OLFM1: variants seen among roughly 807,000 people sequenced by gnomAD.
The protein encoded by OLFM1 is olfactomedin 1.
In OLFM1, 9 loss-of-function variants were observed where a neutral mutation model predicts 49.7. The observed-to-expected ratio is 0.18, with a 90% CI of 0.11 to 0.32. OLFM1 has a LOEUF of 0.32. OLFM1 is among the 10% of genes least tolerant of loss of function. The probability of loss-of-function intolerance (pLI) is 1.00; values close to 1 mark genes in which losing one functional copy is unlikely to be tolerated. For synonymous variants in OLFM1, 240 were observed against 271.8 expected, an observed-to-expected ratio of 0.88 and a Z score of 1.15; for missense variants, 369 against 661.8, an observed-to-expected ratio of 0.56 and a Z score of 4.85.
Position 135,098,559 on chromosome 9 carries a change from G to T in OLFM1, c.676+54G>T. 1 of 1,506,912 alleles carries T rather than the reference G, an allele frequency of 6.6e-7. No individual in the cohort carries two copies. The highest frequency in any genetic ancestry group is 2.0e-4 in the Middle Eastern group (1 of 5,072). 93.3% of individuals were successfully genotyped at this position (1,506,912 alleles called of 1,614,324 possible). A position where few individuals can be genotyped will look rare whatever the true frequency, so the allele number is the denominator to read the frequency against. On this transcript the variant is annotated intron_variant, in intron 4 of 5. Transcript: ENST00000371793. This position sits in a 1 kb window ranked among gnomAD's most constrained non-coding sequence, Gnocchi z 5.6. ...GCTGCACTGCCCACCTCCGGCACAC[G>T]CACAGGCTTAGGGAGTGGTGCTGAA... is the stretch of plus-strand genomic sequence containing the variant.
At chr9:135,109,880 C>G (rs1385783197) in intron 5 of OLFM1, among the ~76,000 whole-genome samples, 1 of 152,130 alleles carries the variant, frequency 6.6e-6, no homozygotes, top group African/African-American at 2.4e-5. Context: ...CGTGTGACCA[C>G]AGGAGGGACG....
upstream of OLFM1, chr9:135,087,351 G>C: frequency 1.9e-6 from 3 of 1,544,564 alleles, no homozygotes; most frequent in Non-Finnish European, 2.6e-6. Flanking sequence ...GCGGGGATCG[G>C]AGAGGGATGC....
intron 3 of OLFM1, among the ~76,000 whole-genome samples, chr9:135,096,551 G>A (rs1466956635): frequency 1.3e-5 from 2 of 152,360 alleles, no homozygotes; most frequent in East Asian, 3.9e-4. Flanking sequence ...AGTGGTGGCA[G>A]CAGCATACAC....
In OLFM1 at chr9:135,106,621, C is replaced by A; in HGVS notation, c.677-128C>A. The A allele has an allele frequency of 4.5e-6, 3 of 668,756 alleles. No homozygotes were observed. In the South Asian group the frequency reaches 5.4e-5, roughly 12 times the overall value. The allele number at this position is 668,756 out of a possible 1,614,324, so 41.4% of individuals were successfully genotyped here. A position where few individuals can be genotyped will look rare whatever the true frequency, so the allele number is the denominator to read the frequency against. ...AGGGCGTGAGCAGCTTTCCACAGTA[C>A]CCCAGACCCCGAGGGCAAGAGGAGA... On this transcript the variant is annotated intron_variant, in intron 4 of 5. Transcript: ENST00000371793.
At chr9:135,116,740 G>A (rs925457922) in intron 5 of OLFM1, among the ~76,000 whole-genome samples, 2 of 151,968 alleles carry the variant, frequency 1.3e-5, no homozygotes, top group African/African-American at 4.8e-5. Flanking sequence ...GGGCAGCTTT[G>A]TGGCAGTGTC....
At chr9:135,116,147 A>G (rs757928647) in intron 5 of OLFM1, among the ~76,000 whole-genome samples, 25 of 152,330 alleles carry the variant, frequency 1.6e-4, no homozygotes, top group Middle Eastern at 3.4e-3. Flanking sequence ...TCAGATGAGA[A>G]CATTGAGGGA....
Position 135,081,334 on chromosome 9 carries a change from A to G in OLFM1, c.96+5532A>G, listed in dbSNP as rs116918796. Reference sequence around the variant, plus strand: ...GTGTCACCGAACACCAGTGCAAAGGAGGTGCTGGTGCTGCTGCCGGGTCGC... The same window carrying G: ...GTGTCACCGAACACCAGTGCAAAGGGGGTGCTGGTGCTGCTGCCGGGTCGC... On this transcript the variant is annotated intron_variant, in intron 1 of 5. Coordinates refer to the OLFM1 transcript ENST00000252854. 2.2e-3 allele frequency among the ~76,000 whole-genome samples: 337 copies of G among 152,312 alleles called. 12 individuals carry two copies. In the South Asian group the frequency reaches 0.046, roughly 21 times the overall value.
chr9:135,114,863 C>G (rs944679085), intron 5 of OLFM1, among the ~76,000 whole-genome samples: 1 of 152,146 alleles, frequency 6.6e-6, no homozygotes, highest in Non-Finnish European at 1.5e-5. Context: ...AATGAGGCAG[C>G]GGGAACCAGG....
At chr9:135,094,933 G>C (rs979360324) in intron 2 of OLFM1, 4 of 152,202 alleles carry the variant, frequency 2.6e-5, no homozygotes, top group Admixed American at 6.5e-5. Flanking sequence ...AATTGGATTA[G>C]ATTCTGAGAA....
At position 135,090,047 on chromosome 9, in the gene OLFM1, T is replaced by C. The variant is rs1336164602; in HGVS notation, c.151-148T>C. 1.1e-5 allele frequency: 8 copies of C among 722,148 alleles called. No homozygotes were observed. The East Asian group carries it at 2.2e-4, about 20-fold the overall frequency. 44.7% of individuals were successfully genotyped at this position (722,148 alleles called of 1,614,324 possible). On this transcript the variant is annotated intron_variant, in intron 1 of 5. Coordinates refer to ENST00000371793, the MANE Select transcript of OLFM1 (RefSeq NM_001282611.2). ...GTTCCCAGGGACCCTTTCTTCCCTT[T>C]GGGTCAAACATGTCTTGGGACCATT...
intron 1 of OLFM1, chr9:135,077,508 G>C (rs528499130): frequency 2.9e-5 from 10 of 342,276 alleles, no homozygotes; most frequent in African/African-American, 1.2e-4. Context: ...CACGAAGGGT[G>C]CTGGACATCC....
intron 5 of OLFM1, among the ~76,000 whole-genome samples, chr9:135,116,797 C>T (rs944023171): frequency 2.0e-5 from 3 of 151,696 alleles, no homozygotes; most frequent in African/African-American, 7.3e-5. Flanking sequence ...AATACCCCTC[C>T]CGGTTCTAAT....
chr9:135,106,900 C>T (rs1830952353), intron 5 of OLFM1, 45 bp downstream of exon 5: 1 of 1,453,112 alleles, frequency 6.9e-7, no homozygotes, highest in Middle Eastern at 1.7e-4. Flanking sequence ...GGCAAGGGCG[C>T]TCTCGGACAC....
chr9:135,090,370 T>TTG (rs751212855), intron 2 of OLFM1, 26 bp downstream of exon 2: 6 of 1,459,582 alleles, frequency 4.1e-6, no homozygotes, highest in Non-Finnish European at 5.5e-6. Context: ...GTGTGTGAGT[T>TTG]TGTATGTGTG....
At position 135,119,803 on chromosome 9, in the gene OLFM1, G is replaced by C. The variant is rs2119149589; in HGVS notation, c.1083G>C (p.Glu361Asp). Residue 361 changes from glutamate (E) to aspartate (D), a missense_variant, in exon 6 of 6, where the codon GAG becomes GAC. This residue lies in a region of OLFM1 where 294 missense variants were observed against 567.5 expected (regional missense o/e 0.52). Transcript: ENST00000371793. Reference protein sequence around the residue: ...GHSDIDLMVDESGLWAVYATN... With the variant: ...GHSDIDLMVDDSGLWAVYATN... ...CGGACATCGACCTCATGGTGGACGA[G>C]AGCGGGCTGTGGGCCGTGTACGCCA... is the stretch of plus-strand genomic sequence containing the variant. The C allele has an allele frequency of 6.2e-7, 1 of 1,613,942 alleles. No homozygotes were observed. The highest frequency in any genetic ancestry group is 8.5e-7 in the Non-Finnish European group (1 of 1,180,040).
At chr9:135,097,362 G>T (rs1199146171) in intron 3 of OLFM1, among the ~76,000 whole-genome samples, 3 of 152,148 alleles carry the variant, frequency 2.0e-5, no homozygotes, top group African/African-American at 7.2e-5. Flanking sequence ...ACTCTGGAGG[G>T]AGAGATGTTG....
chr9:135,102,814 T>C lies in OLFM1; in HGVS notation c.677-3935T>C, dbSNP rs1052259225. On this transcript the variant is annotated intron_variant, in intron 4 of 5. Coordinates refer to ENST00000371793, the MANE Select transcript of OLFM1 (RefSeq NM_001282611.2). ...GACAGGCAGCAGGACAGGAACCCCA[T>C]CTGCCTGCTTCAGGGCACTCAGCCC... 4.6e-5 allele frequency among the ~76,000 whole-genome samples: 7 copies of C among 152,136 alleles called. No individual in the cohort carries two copies. The South Asian group carries it at 1.2e-3, about 27-fold the overall frequency.
intron 1 of OLFM1, among the ~76,000 whole-genome samples, chr9:135,081,317 G>A (rs765203537): frequency 4.6e-5 from 7 of 152,208 alleles, no homozygotes; most frequent in East Asian, 1.9e-4. Flanking sequence ...CAGTGTCACC[G>A]AACACCAGTG....
intron 5 of OLFM1, among the ~76,000 whole-genome samples, chr9:135,107,859 C>A (rs556796532): frequency 1.3e-5 from 2 of 152,336 alleles, no homozygotes; most frequent in African/African-American, 2.4e-5. Context: ...GCTCTCTCCC[C>A]TCTGATTTCT....
Sources: gnomAD v4.1 joint callset for allele counts (sites outside exome capture counted in the v4.1 genomes callset) on GRCh38, gnomAD v4.1.1 for gene constraint, gnomAD v4.1.1 regional missense constraint, Gnocchi (gnomAD v3.1) non-coding constraint, MANE v1.5 for transcripts, NCBI Gene and HGNC (gene_info 2026-07-23, HGNC 2026-07-21) for gene names.